Variants in RASGEF1A observed in about 807,000 individuals in gnomAD.
The protein encoded by RASGEF1A is ras-GEF domain-containing family member 1A.
Under a neutral mutation model 56.4 loss-of-function variants are expected in RASGEF1A, and 18 were observed. That is an observed-to-expected ratio of 0.32 (90% CI 0.22 to 0.47). RASGEF1A has a LOEUF of 0.47. Among genes scored for constraint, RASGEF1A ranks in the 20% least tolerant of loss-of-function variants. The pLI is 1.00. For missense variants in RASGEF1A, 422 were observed against 627.1 expected, an observed-to-expected ratio of 0.67 and a Z score of 3.49; for synonymous variants, 245 against 242.6, an observed-to-expected ratio of 1.01 and a Z score of -0.09.
chr10:43,261,279 G>A (rs1220754061), intron 1 of RASGEF1A, among the ~76,000 whole-genome samples: 1 of 152,220 alleles, frequency 6.6e-6, no homozygotes, highest in Non-Finnish European at 1.5e-5. Flanking sequence ...CTCACAGCAG[G>A]TCTAACTCAC....
At chr10:43,242,765 T>C (rs1840517210) in intron 1 of RASGEF1A, among the ~76,000 whole-genome samples, 1 of 149,986 alleles carries the variant, frequency 6.7e-6, no homozygotes, top group Non-Finnish European at 1.5e-5. Context: ...GCTCCTGGCC[T>C]CGGGTGATCT....
In RASGEF1A at chr10:43,196,259, A is replaced by C. The variant is rs143196643; in HGVS notation, c.1431T>G (p.Leu477=). 2 of 1,613,600 alleles carry C rather than the reference A, an allele frequency of 1.2e-6. No individual in the cohort carries two copies. Among genetic ancestry groups the C allele is most frequent in the Non-Finnish European group, 8.5e-7 (1 of 1,179,768 alleles). Residue 477 remains leucine (L), a synonymous_variant, in exon 13 of 13, where the codon CTT becomes CTG. Coordinates refer to ENST00000395810, the MANE Select transcript of RASGEF1A (RefSeq NM_145313.4). The surrounding 1 kb of genome is among the most constrained non-coding windows in gnomAD (Gnocchi z 4.6). The part of the protein sequence containing the change: ...KDSWKTLRTT[L]LNRA ...TGCATCCGCCTCAGGCTCTGTTCAG[A>C]AGGGTGGTCCTAGAGGGGGACAGGA... is the stretch of plus-strand genomic sequence containing the variant.
intron 1 of RASGEF1A, among the ~76,000 whole-genome samples, chr10:43,216,257 G>C (rs1840135456): frequency 1.3e-5 from 2 of 152,184 alleles, no homozygotes; most frequent in Admixed American, 6.5e-5. Context: ...TCGGTACTCA[G>C]GGTCTATGCC....
chr10:43,197,563 A>G (rs957635769), intron 10 of RASGEF1A, among the ~76,000 whole-genome samples: 3 of 152,050 alleles, frequency 2.0e-5, no homozygotes, highest in African/African-American at 7.2e-5. Flanking sequence ...CCTGCCACCT[A>G]TGTCCCACCC....
intron 1 of RASGEF1A, among the ~76,000 whole-genome samples, chr10:43,246,431 G>A (rs890890684): frequency 2.0e-5 from 3 of 152,086 alleles, no homozygotes; most frequent in African/African-American, 7.2e-5. Context: ...CCTAAAATTC[G>A]TGTGAAAATG....
chr10:43,210,437 G>A (rs1017547061), intron 1 of RASGEF1A, among the ~76,000 whole-genome samples: 34 of 152,290 alleles, frequency 2.2e-4, no homozygotes, highest in African/African-American at 8.2e-4. Context: ...TCACACCACT[G>A]CACTCCAGCC....
chr10:43,220,797 G>GC (rs375933178), intron 1 of RASGEF1A, among the ~76,000 whole-genome samples: 2 of 132,776 alleles, frequency 1.5e-5, no homozygotes, highest in African/African-American at 6.1e-5. Context: ...AAAAAAAAAA[G>GC]GGGGGGGAGT....
chr10:43,205,788 C>T (rs1839985496), intron 2 of RASGEF1A, 131 bp downstream of exon 2: 1 of 728,026 alleles, frequency 1.4e-6, no homozygotes, highest in Non-Finnish European at 2.3e-6. Context: ...GGCCTGGGCC[C>T]CCCACTGCCC....
chr10:43,252,940 G>A (rs114538110), intron 1 of RASGEF1A, among the ~76,000 whole-genome samples: 1 of 152,194 alleles, frequency 6.6e-6, no homozygotes, highest in African/African-American at 2.4e-5. Flanking sequence ...CCCACAATCT[G>A]CTGCCAACAA....
In RASGEF1A at chr10:43,205,899, A is replaced by G; in HGVS notation, c.198+20T>C. On this transcript the variant is annotated intron_variant, in intron 2 of 12. Coordinates refer to ENST00000395810, the MANE Select transcript of RASGEF1A (RefSeq NM_145313.4). ...CAGGTCACCCCATTAGTCTCACTCC[A>G]CAAGGCCCCACGTACTCACATCGGG... The G allele has an allele frequency of 6.9e-6, 11 of 1,598,928 alleles. No individual in the cohort carries two copies. Among genetic ancestry groups the G allele is most frequent in the Non-Finnish European group, 7.7e-6 (9 of 1,167,648 alleles).
chr10:43,245,080 TAG>T (rs1183147607), intron 1 of RASGEF1A, among the ~76,000 whole-genome samples: 2 of 151,296 alleles, frequency 1.3e-5, no homozygotes, highest in African/African-American at 2.4e-5. Context: ...AAGAAAAAAA[TAG>T]AGAGAAGACT....
chr10:43,200,911 G>A, intron 4 of RASGEF1A, 23 bp from the exon 5 acceptor site: 3 of 1,603,774 alleles, frequency 1.9e-6, no homozygotes, highest in Non-Finnish European at 2.6e-6. Flanking sequence ...GGGCAATAAG[G>A]GTGCCAGCAT....
chr10:43,199,484 G>A (rs964715691), intron 7 of RASGEF1A, among the ~76,000 whole-genome samples, 192 bp downstream of exon 7: 17 of 152,226 alleles, frequency 1.1e-4, no homozygotes, highest in African/African-American at 3.4e-4. Flanking sequence ...AGCACTCCAC[G>A]GATGGGGTGT....
At chr10:43,210,315 CAA>C (rs11340867) in intron 1 of RASGEF1A, among the ~76,000 whole-genome samples, 1 of 151,480 alleles carries the variant, frequency 6.6e-6, no homozygotes, top group African/African-American at 2.4e-5. Context: ...TACTAACATT[CAA>C]AAAAAAATTA....
chr10:43,202,641 GC>G (rs1554825878), intron 3 of RASGEF1A: 16 of 355,552 alleles, frequency 4.5e-5, no homozygotes, highest in Non-Finnish European at 7.0e-5. Flanking sequence ...GCTGGACCCC[GC>G]CCCCGGCCCC....
At chr10:43,198,873 C>T (rs1839843798) in intron 9 of RASGEF1A, 60 bp downstream of exon 9, 3 of 1,492,912 alleles carry the variant, frequency 2.0e-6, no homozygotes, top group South Asian at 1.1e-5. Flanking sequence ...GGGCCCCCTT[C>T]GGGCCATTGC....
At position 43,203,355 on chromosome 10, in the gene RASGEF1A, G is replaced by A; in HGVS notation, c.264C>T (p.Ala88=). The change falls in exon 3 of 13, where the codon GCC becomes GCT. Residue 88 remains alanine, a synonymous_variant. Transcript: ENST00000395810. ...GCTCCACGCAGATCTGCCCCACGCG[G>A]GCCAGCAGGTCATGAGGGGGCATAA... ...RVFMPPHDLL[A]RVGQICVEQK... 1 of 1,586,172 alleles carries A rather than the reference G, an allele frequency of 6.3e-7. No individual in the cohort carries two copies. The highest frequency in any genetic ancestry group is 8.6e-7 in the Non-Finnish European group (1 of 1,166,566).
intron 1 of RASGEF1A, among the ~76,000 whole-genome samples, chr10:43,212,697 C>T (rs1388761503): frequency 1.3e-5 from 2 of 152,258 alleles, no homozygotes; most frequent in African/African-American, 4.8e-5. Flanking sequence ...TGGGGCTCTG[C>T]TCAGCCTGGG....
intron 1 of RASGEF1A, among the ~76,000 whole-genome samples, chr10:43,214,471 G>C (rs566952978): frequency 6.6e-6 from 1 of 152,306 alleles, no homozygotes; most frequent in East Asian, 1.9e-4. Context: ...TGTGTGCACA[G>C]AGCACAACTG....
Sources: gnomAD v4.1 joint callset for allele counts (sites outside exome capture counted in the v4.1 genomes callset) on GRCh38, gnomAD v4.1.1 for gene constraint, Gnocchi (gnomAD v3.1) non-coding constraint, MANE v1.5 for transcripts, NCBI Gene and HGNC (gene_info 2026-07-23, HGNC 2026-07-21) for gene names.